Variants in ST8SIA2 observed in about 807,000 individuals in gnomAD.
The protein encoded by ST8SIA2 is ST8 alpha-N-acetyl-neuraminide alpha-2,8-sialyltransferase 2.
Under a neutral mutation model 37.6 loss-of-function variants are expected in ST8SIA2, and 22 were observed. The ratio of observed to expected loss-of-function variants is 0.58; its 90% confidence interval spans 0.42 to 0.83. The LOEUF (loss-of-function observed/expected upper bound fraction) is 0.83. ST8SIA2 is among the 40% of genes least tolerant of loss of function. ST8SIA2 has a pLI of 0.00. For missense variants in ST8SIA2, 382 were observed against 484.7 expected, an observed-to-expected ratio of 0.79 and a Z score of 1.99; for synonymous variants, 205 against 201.2, an observed-to-expected ratio of 1.02 and a Z score of -0.16.
intron 5 of ST8SIA2, 113 bp from the exon 6 acceptor site, chr15:92,463,987 C>G (rs1304368989): frequency 1.4e-6 from 2 of 1,431,832 alleles, no homozygotes; most frequent in Non-Finnish European, 1.9e-6. Flanking sequence ...TTGATCGGTC[C>G]CTGGAGTGGC....
At chr15:92,417,551 A>G (rs778360467) in intron 1 of ST8SIA2, 7 of 152,212 alleles carry the variant, frequency 4.6e-5, no homozygotes, top group Non-Finnish European at 8.8e-5. Flanking sequence ...AGAGCAAAGC[A>G]TGGCACACTG....
Position 92,464,072 on chromosome 15 carries a change from CTTTTTTTTTTTTTT to C in ST8SIA2, c.843-18_843-5del, listed in dbSNP as rs34156050. 2 of 1,070,092 alleles carry C rather than the reference CTTTTTTTTTTTTTT, an allele frequency of 1.9e-6. No individual in the cohort carries two copies. Among genetic ancestry groups the C allele is most frequent in the African/African-American group, 2.3e-5 (1 of 43,422 alleles). The allele number at this position is 1,070,092 out of a possible 1,614,324, so 66.3% of individuals were successfully genotyped here. ...TGACTCACAGACCCATGTTTCTTTT[CTTTTTTTTTTTTTT>C]TTTTTTTTTCCAGATACTGGCTGAC... On this transcript the variant is annotated splice_polypyrimidine_tract_variant and intron_variant, in intron 5 of 5. Coordinates refer to ENST00000268164, the MANE Select transcript of ST8SIA2 (RefSeq NM_006011.4).
At chr15:92,415,966 T>C (rs2049583250) in intron 1 of ST8SIA2, among the ~76,000 whole-genome samples, 1 of 152,166 alleles carries the variant, frequency 6.6e-6, no homozygotes, top group Admixed American at 6.5e-5. Context: ...AAAGGGTCTC[T>C]GTGCCATGCT....
At chr15:92,425,314 C>CT (rs1389625978) in intron 1 of ST8SIA2, among the ~76,000 whole-genome samples, 2 of 152,218 alleles carry the variant, frequency 1.3e-5, no homozygotes. Context: ...CTATGAACAA[C>CT]TGAGAGGTGA....
At chr15:92,397,351 G>C (rs922776584) in intron 1 of ST8SIA2, among the ~76,000 whole-genome samples, 7 of 152,106 alleles carry the variant, frequency 4.6e-5, no homozygotes, top group Admixed American at 1.3e-4. Context: ...ATCATGAATT[G>C]AGGGGCAGGG....
chr15:92,434,991 G>A (rs2049746258), intron 3 of ST8SIA2, among the ~76,000 whole-genome samples: 1 of 152,242 alleles, frequency 6.6e-6, no homozygotes, highest in African/African-American at 2.4e-5. Context: ...TCATCGGGTA[G>A]TGGCAATGGG....
At chr15:92,395,744 T>A (rs2049426093) in intron 1 of ST8SIA2, among the ~76,000 whole-genome samples, 1 of 152,212 alleles carries the variant, frequency 6.6e-6, no homozygotes, top group Non-Finnish European at 1.5e-5. Flanking sequence ...CTCTAGGCTC[T>A]CCGGCTTCTG....
intron 5 of ST8SIA2, among the ~76,000 whole-genome samples, chr15:92,457,263 T>C (rs2049926059): frequency 6.6e-6 from 1 of 152,206 alleles, no homozygotes; most frequent in Non-Finnish European, 1.5e-5. Context: ...TTTTAGCTTC[T>C]TGGAGGAAGC....
chr15:92,442,814 G>A (rs757680755), intron 4 of ST8SIA2, among the ~76,000 whole-genome samples: 5 of 152,286 alleles, frequency 3.3e-5, no homozygotes, highest in Middle Eastern at 3.4e-3. Context: ...GGGAAGACGC[G>A]ATATTTTAGG....
chr15:92,396,947 C>T (rs2049436484), intron 1 of ST8SIA2, among the ~76,000 whole-genome samples: 1 of 152,358 alleles, frequency 6.6e-6, no homozygotes, highest in Admixed American at 6.5e-5. Flanking sequence ...TCGAATCATA[C>T]TCAGGCACAA....
rs532297632 is a variant in ST8SIA2 at position 92,397,854 on chromosome 15, C to G, written c.98+3692C>G. Among the ~76,000 whole-genome samples the G allele has an allele frequency of 1.4e-3, 209 of 152,296 alleles. 3 individuals carry two copies. Among genetic ancestry groups the G allele is most frequent in the African/African-American group, 4.9e-3 (203 of 41,554 alleles). ...GGCAAAGTTGAAACTCAGAGCTGGC[C>G]GGGAACGGTGGCTCACGCCTGTAAT... On this transcript the variant is annotated intron_variant, in intron 1 of 5. Coordinates refer to ENST00000268164, the MANE Select transcript of ST8SIA2 (RefSeq NM_006011.4).
intron 1 of ST8SIA2, among the ~76,000 whole-genome samples, chr15:92,395,205 G>A (rs746532067): frequency 1.1e-4 from 16 of 152,236 alleles, no homozygotes; most frequent in Non-Finnish European, 2.2e-4. Context: ...CAAGGGGAAG[G>A]TGAGGTCTCA....
intron 5 of ST8SIA2, among the ~76,000 whole-genome samples, 185 bp from the exon 6 acceptor site, chr15:92,463,915 G>A (rs575621445): frequency 6.6e-6 from 1 of 152,132 alleles, no homozygotes; most frequent in African/African-American, 2.4e-5. Flanking sequence ...CCAGGCTAAG[G>A]AGCAGTTCAG....
chr15:92,419,554 T>A (rs1014698065), intron 1 of ST8SIA2, among the ~76,000 whole-genome samples: 1 of 152,000 alleles, frequency 6.6e-6, no homozygotes, highest in Non-Finnish European at 1.5e-5. Context: ...GCCGAACGCA[T>A]AGAGATAATG....
chr15:92,438,647 G>A, intron 4 of ST8SIA2, 37 bp downstream of exon 4: 1 of 1,558,960 alleles, frequency 6.4e-7, no homozygotes, highest in South Asian at 1.2e-5. Context: ...GGCCAGAGCG[G>A]CGGGCAGGCT....
chr15:92,436,736 C>T (rs950093787), intron 3 of ST8SIA2, among the ~76,000 whole-genome samples: 7 of 152,080 alleles, frequency 4.6e-5, no homozygotes, highest in African/African-American at 1.2e-4. Context: ...TCAACAGATA[C>T]GAATTATTCT....
intron 1 of ST8SIA2, among the ~76,000 whole-genome samples, chr15:92,397,994 A>C (rs1176504779): frequency 6.6e-6 from 1 of 152,162 alleles, no homozygotes; most frequent in African/African-American, 2.4e-5. Flanking sequence ...TTAGCCAGGC[A>C]TGGTGGCGGG....
At chr15:92,424,087 G>A (rs2049656478) in intron 1 of ST8SIA2, among the ~76,000 whole-genome samples, 1 of 152,214 alleles carries the variant, frequency 6.6e-6, no homozygotes, top group Admixed American at 6.5e-5. Flanking sequence ...TCCCAAAAAT[G>A]TGAAGGAAGA....
intron 1 of ST8SIA2, among the ~76,000 whole-genome samples, chr15:92,411,009 AG>A (rs2049544653): frequency 6.6e-6 from 1 of 152,170 alleles, no homozygotes; most frequent in South Asian, 2.1e-4. Flanking sequence ...CAGTGCCTAG[AG>A]GTGGAGGAAA....
Sources: gnomAD v4.1 joint callset for allele counts (sites outside exome capture counted in the v4.1 genomes callset) on GRCh38, gnomAD v4.1.1 for gene constraint, MANE v1.5 for transcripts, NCBI Gene and HGNC (gene_info 2026-07-23, HGNC 2026-07-21) for gene names.